LRRC17: variants seen among roughly 807,000 people sequenced by gnomAD.
The protein encoded by LRRC17 is leucine rich repeat containing 17.
LRRC17 carries 33 observed loss-of-function variants against 41.5 expected under a neutral mutation model. The ratio of observed to expected loss-of-function variants is 0.80; its 90% confidence interval spans 0.60 to 1.06. LRRC17 has a LOEUF of 1.06. Among genes scored for constraint, LRRC17 ranks in the 50% least tolerant of loss-of-function variants. The pLI is 0.00. For missense variants in LRRC17, 491 were observed against 519.3 expected (o/e 0.95, Z 0.53); for synonymous variants, 192 against 197.0 (o/e 0.97, Z 0.21).
chr7:102,942,254 A>G (rs1268116235), intron 3 of LRRC17: 3 of 1,555,174 alleles, frequency 1.9e-6, no homozygotes, highest in Non-Finnish European at 2.6e-6. Flanking sequence ...AAATGACCTA[A>G]AGAAGTTTTA....
chr7:102,928,681 G>C (rs1470029516), intron 1 of LRRC17, among the ~76,000 whole-genome samples: 3 of 152,206 alleles, frequency 2.0e-5, no homozygotes, highest in Non-Finnish European at 2.9e-5. Flanking sequence ...ACTGAAAAAT[G>C]ATTAGTTTTT....
intron 1 of LRRC17, among the ~76,000 whole-genome samples, chr7:102,918,049 A>C (rs181926414): frequency 6.6e-6 from 1 of 152,358 alleles, no homozygotes; most frequent in East Asian, 1.9e-4. Context: ...TCTCTTGGCA[A>C]GTACTTTTTT....
Position 102,934,144 on chromosome 7 carries a change from T to A in LRRC17, c.231T>A (p.Pro77=). ...AAAGAAAATTAGTTTATGTGCTGCC[T>A]GGTTGGCCTCAGGATTTGCTGCACA... ...CQERKLVYVL[P]GWPQDLLHML... Residue 77 remains proline (P), a synonymous_variant, in exon 2 of 4, where the codon CCT becomes CCA. Transcript: ENST00000339431. 1 of 1,614,172 alleles carries A rather than the reference T, an allele frequency of 6.2e-7. No homozygotes were observed. The highest frequency in any genetic ancestry group is 8.5e-7 in the Non-Finnish European group (1 of 1,179,998).
rs747300534 is a variant in LRRC17, at chr7:102,934,079, G to A, written c.166G>A (p.Val56Met). Residue 56 changes from valine (V) to methionine (M), a missense_variant, in exon 2 of 4, where the codon GTG (valine) becomes ATG (methionine). Transcript: ENST00000339431. ...KRYAPGLPCD[V>M]YTYLHEKYLD... ...CTACGCACCAGGCCTCCCGTGTGACGTGTACACATATCTCCATGAGAAATA... is the reference window on the plus strand; with the variant it reads ...CTACGCACCAGGCCTCCCGTGTGACATGTACACATATCTCCATGAGAAATA... The A allele has an allele frequency of 7.4e-6, 12 of 1,614,100 alleles. No individual in the cohort carries two copies. The highest frequency in any genetic ancestry group is 5.5e-5 in the South Asian group (5 of 91,082).
At chr7:102,915,228 C>T (rs1295780539) in intron 1 of LRRC17, among the ~76,000 whole-genome samples, 1 of 150,824 alleles carries the variant, frequency 6.6e-6, no homozygotes, top group East Asian at 1.9e-4. Flanking sequence ...TGCTTGTTCC[C>T]TTTAAAGATG....
chr7:102,935,497 G>A (rs943923126), intron 2 of LRRC17, among the ~76,000 whole-genome samples: 5 of 152,048 alleles, frequency 3.3e-5, no homozygotes, highest in Non-Finnish European at 7.4e-5. Context: ...TGAGAACTAT[G>A]AGACTAAGGA....
In LRRC17 at chr7:102,934,239, G is replaced by T. The variant is rs760247467; in HGVS notation, c.326G>T (p.Ser109Ile). 1.2e-6 allele frequency: 2 copies of T among 1,614,178 alleles called. No individual in the cohort carries two copies. The highest frequency in any genetic ancestry group is 1.7e-6 in the Non-Finnish European group (2 of 1,180,022). ...TTTTCCAAGTTTAAAAAGCTGAAAAGCCTGGATCTGCAGCAGAATGAGATC... is the reference window on the plus strand; with the variant it reads ...TTTTCCAAGTTTAAAAAGCTGAAAATCCTGGATCTGCAGCAGAATGAGATC... ...NMFSKFKKLK[S>I]LDLQQNEISK... Residue 109 changes from serine (S) to isoleucine (I), a missense_variant, in exon 2 of 4, where the codon AGC (serine) becomes ATC (isoleucine). Coordinates refer to ENST00000339431, the MANE Select transcript of LRRC17 (RefSeq NM_001031692.3).
At chr7:102,926,278 G>A in intron 1 of LRRC17, 1 of 1,612,688 alleles carries the variant, frequency 6.2e-7, no homozygotes, top group East Asian at 2.2e-5. Flanking sequence ...CATTACCTCG[G>A]CAGGAGTCGC....
chr7:102,923,208 G>A (rs886384141), intron 1 of LRRC17, among the ~76,000 whole-genome samples: 3 of 152,108 alleles, frequency 2.0e-5, no homozygotes, highest in Non-Finnish European at 4.4e-5. Context: ...TCACAATGTC[G>A]TGGCTACAGA....
At chr7:102,919,321 A>C (rs847652) in intron 1 of LRRC17, among the ~76,000 whole-genome samples, 38,400 of 152,140 alleles carry the variant, frequency 0.25, 5,722 homozygotes, top group East Asian at 0.43. Context: ...GGCATATAGA[A>C]ATAAAAATGA....
At position 102,944,997 on chromosome 7, in the gene LRRC17, AT is replaced by A. The variant is rs746679986; in HGVS notation, c.*394del. 5 of 157,678 alleles carry A rather than the reference AT, an allele frequency of 3.2e-5. No individual in the cohort carries two copies. Among genetic ancestry groups the A allele is most frequent in the Non-Finnish European group, 4.2e-5 (3 of 72,000 alleles). The allele number at this position is 157,678 out of a possible 1,614,324, so 9.8% of individuals were successfully genotyped here. A position where few individuals can be genotyped will look rare whatever the true frequency, so the allele number is the denominator to read the frequency against. ...TGCATACTTAAAGATGATCAAAATG[AT>A]TTTATACAAATGCTGTTATAATAAA... On this transcript the variant is annotated 3_prime_UTR_variant, in exon 4 of 4. Coordinates refer to ENST00000339431, the MANE Select transcript of LRRC17 (RefSeq NM_001031692.3).
chr7:102,925,712 C>T (rs906256150), intron 1 of LRRC17, among the ~76,000 whole-genome samples: 3 of 151,958 alleles, frequency 2.0e-5, no homozygotes, highest in Admixed American at 6.6e-5. Flanking sequence ...GAGGCCCAGG[C>T]GGGCAGATCA....
chr7:102,914,699 T>TGAGATTC (rs1241662558), intron 1 of LRRC17, among the ~76,000 whole-genome samples: 2 of 152,084 alleles, frequency 1.3e-5, no homozygotes, highest in Non-Finnish European at 2.9e-5. Flanking sequence ...GCTGTGTACG[T>TGAGATTC]GAGATTCGAC....
chr7:102,938,102 G>A (rs950183580), intron 2 of LRRC17, among the ~76,000 whole-genome samples: 6 of 152,174 alleles, frequency 3.9e-5, no homozygotes, highest in African/African-American at 7.2e-5. Flanking sequence ...GTGTTTCAAA[G>A]GGAATAAATG....
intron 1 of LRRC17, among the ~76,000 whole-genome samples, chr7:102,931,697 C>T (rs1819205651): frequency 5.3e-5 from 8 of 152,214 alleles, no homozygotes; most frequent in Admixed American, 5.2e-4. Flanking sequence ...ACTGAGCATA[C>T]ATCTACATGA....
chr7:102,916,188 T>G (rs576603359), intron 1 of LRRC17, among the ~76,000 whole-genome samples: 1 of 152,272 alleles, frequency 6.6e-6, no homozygotes, highest in East Asian at 1.9e-4. Flanking sequence ...GGTTTTACCA[T>G]GTTGGCCAGA....
chr7:102,931,701 T>C (rs1819206874), intron 1 of LRRC17, among the ~76,000 whole-genome samples: 1 of 152,236 alleles, frequency 6.6e-6, no homozygotes, highest in South Asian at 2.1e-4. Context: ...AGCATACATC[T>C]ACATGATTAA....
chr7:102,943,210 T>TCA (rs1245245885), intron 3 of LRRC17, among the ~76,000 whole-genome samples: 1 of 152,308 alleles, frequency 6.6e-6, no homozygotes, highest in East Asian at 1.9e-4. Context: ...GTGTTACTGA[T>TCA]ATCCCAGGAA....
intron 3 of LRRC17, among the ~76,000 whole-genome samples, chr7:102,939,927 T>C (rs1821067448): frequency 6.6e-6 from 1 of 151,904 alleles, no homozygotes; most frequent in South Asian, 2.1e-4. Context: ...GGAGTCTCAC[T>C]CTTGTTGCCC....
Sources: gnomAD v4.1 joint callset for allele counts (sites outside exome capture counted in the v4.1 genomes callset) on GRCh38, gnomAD v4.1.1 for gene constraint, MANE v1.5 for transcripts, NCBI Gene and HGNC (gene_info 2026-07-23, HGNC 2026-07-21) for gene names.